The following HNRNPK variants were observed in gnomAD, a reference collection of about 807,000 sequenced individuals.
The protein encoded by HNRNPK is dC-stretch binding protein.
Under a neutral mutation model 67.0 loss-of-function variants are expected in HNRNPK, and 7 were observed. The ratio of observed to expected loss-of-function variants is 0.10; its 90% CI spans 0.06 to 0.20. The LOEUF (loss-of-function observed/expected upper bound fraction) is 0.20, where lower values mean the gene tolerates loss of function less well. Ranked by LOEUF, HNRNPK falls within the 10% of genes least tolerant of loss-of-function variation. The pLI is 1.00. For synonymous variants in HNRNPK, 213 were observed against 193.7 expected, an observed-to-expected ratio of 1.10 and a Z score of -0.83; for missense variants, 264 against 606.5, an observed-to-expected ratio of 0.44 and a Z score of 5.93.
At chr9:83,976,903 T>TA in intron 5 of HNRNPK, 92 bp downstream of exon 5, 1 of 718,420 alleles carries the variant, frequency 1.4e-6, no homozygotes, top group South Asian at 2.0e-5. Flanking sequence ...GTAGCTAAAC[T>TA]ATGAAATGAT....
In HNRNPK at chr9:83,977,070, C is replaced by G. The variant is rs761913037; in HGVS notation, c.157-19G>C. ...CAGCATTCTGGAGAAGATACAAAGA[C>G]AAAAAATTATTTTGCCTTTCCCTAA... On this transcript the variant is annotated intron_variant, in intron 4 of 16. Coordinates refer to ENST00000376263, the MANE Select transcript of HNRNPK (RefSeq NM_031263.4). 6.3e-7 allele frequency: 1 copy of G among 1,596,488 alleles called. No individual in the cohort carries two copies. The highest frequency in any genetic ancestry group is 8.6e-7 in the Non-Finnish European group (1 of 1,165,346).
In HNRNPK at chr9:83,977,136, CCT is replaced by C. The variant is rs1957103921; in HGVS notation, c.157-87_157-86del. On this transcript the variant is annotated intron_variant, in intron 4 of 16. Coordinates refer to ENST00000376263, the MANE Select transcript of HNRNPK (RefSeq NM_031263.4). Reference sequence around the variant, plus strand: ...ACGCTCTTAGATTTTGCTAAAAAATCCTCTAACCTGTTTGTTATAAGAATAAA... The same window carrying C: ...ACGCTCTTAGATTTTGCTAAAAAATCCTAACCTGTTTGTTATAAGAATAAA... 21 of 949,070 alleles carry C rather than the reference CCT, an allele frequency of 2.2e-5. No homozygotes were observed. In the South Asian group the frequency reaches 2.7e-4, roughly 12 times the overall value. 58.8% of individuals were successfully genotyped at this position (949,070 alleles called of 1,614,324 possible).
intron 3 of HNRNPK, 38 bp from the exon 4 acceptor site, chr9:83,977,824 A>C (rs1183040227): frequency 8.0e-7 from 1 of 1,244,908 alleles, no homozygotes; most frequent in Admixed American, 1.8e-5. Flanking sequence ...GAAAGCAGCG[A>C]AGTCTCCAAA....
At chr9:83,977,924 C>T (rs1957144661) in intron 3 of HNRNPK, 138 bp from the exon 4 acceptor site, 1 of 621,804 alleles carries the variant, frequency 1.6e-6, no homozygotes, top group Non-Finnish European at 2.8e-6. Flanking sequence ...GAACGTTATG[C>T]TTCCATCTAG....
Position 83,969,122 on chromosome 9 carries a change from T to A in HNRNPK, c.*285A>T. 1.0e-5 allele frequency: 5 copies of A among 496,164 alleles called. No homozygotes were observed. Among genetic ancestry groups the A allele is most frequent in the Non-Finnish European group, 1.4e-5 (4 of 280,568 alleles). The allele number at this position is 496,164 out of a possible 1,614,324, so 30.7% of individuals were successfully genotyped here. ...TTAAACCACCAACAATAACGAAAAA[T>A]AAAATCCACTCACTCTGCTGCTGTT... is the stretch of plus-strand genomic sequence containing the variant. On this transcript the variant is annotated 3_prime_UTR_variant, in exon 17 of 17. Coordinates refer to ENST00000376263, the MANE Select transcript of HNRNPK (RefSeq NM_031263.4).
At chr9:83,978,073 G>C (rs988698971) in intron 3 of HNRNPK, 122 bp downstream of exon 3, 2 of 665,352 alleles carry the variant, frequency 3.0e-6, no homozygotes, top group Non-Finnish European at 5.3e-6. Context: ...ACTGATAATC[G>C]CAGAATTACA....
rs1299710828 is a variant in HNRNPK, at chr9:83,971,722, G to A, written c.958C>T (p.Leu320Phe). Residue 320 changes from leucine to phenylalanine, a missense_variant, in exon 12 of 17, where the codon CTC (leucine) becomes TTC (phenylalanine). This residue lies in a region of HNRNPK where 142 missense variants were observed against 256.5 expected (regional missense o/e 0.55). Coordinates refer to ENST00000376263, the MANE Select transcript of HNRNPK (RefSeq NM_031263.4). ...CTCCCTCTTCTGTCATAGGCCATGA[G>A]GTCTCTGCAAGCATAGTACTTGTTG... ...PPPPPPRGGDLMAYDRRGRPG... is the reference protein window; with the variant it reads ...PPPPPPRGGDFMAYDRRGRPG... 1.2e-6 allele frequency: 2 copies of A among 1,613,642 alleles called. No individual in the cohort carries two copies. Among genetic ancestry groups the A allele is most frequent in the Admixed American group, 3.3e-5 (2 of 60,000 alleles).
In HNRNPK at chr9:83,969,295, A is replaced by T; in HGVS notation, c.*112T>A. The stretch of plus-strand genomic sequence containing the variant: ...GAAGCAGAGGAATGTTGGCTTTTTA[A>T]ACAGAAGCAGATAAAAAAAAAAAGA... On this transcript the variant is annotated 3_prime_UTR_variant, in exon 17 of 17. Coordinates refer to ENST00000376263, the MANE Select transcript of HNRNPK (RefSeq NM_031263.4). The T allele has an allele frequency of 2.6e-6, 2 of 767,000 alleles. No homozygotes were observed. Among genetic ancestry groups the T allele is most frequent in the Non-Finnish European group, 4.6e-6 (2 of 430,418 alleles). The allele number at this position is 767,000 out of a possible 1,614,324, so 47.5% of individuals were successfully genotyped here.
Position 83,969,288 on chromosome 9 carries a change from C to T in HNRNPK, c.*119G>A. The T allele has an allele frequency of 2.6e-6, 2 of 756,010 alleles. No homozygotes were observed. Among genetic ancestry groups the T allele is most frequent in the Non-Finnish European group, 4.7e-6 (2 of 421,952 alleles). 46.8% of individuals were successfully genotyped at this position (756,010 alleles called of 1,614,324 possible). On this transcript the variant is annotated 3_prime_UTR_variant, in exon 17 of 17. Coordinates refer to ENST00000376263, the MANE Select transcript of HNRNPK (RefSeq NM_031263.4). ...CACCTATGAAGCAGAGGAATGTTGG[C>T]TTTTTAAACAGAAGCAGATAAAAAA...
At chr9:83,975,134 A>C (rs1281166774) in intron 6 of HNRNPK, among the ~76,000 whole-genome samples, 1 of 152,252 alleles carries the variant, frequency 6.6e-6, no homozygotes, top group Non-Finnish European at 1.5e-5. Context: ...TCATCAGAAA[A>C]AATTATGAAC....
chr9:83,976,160 T>C (rs1564067423), intron 5 of HNRNPK, among the ~76,000 whole-genome samples: 1 of 152,198 alleles, frequency 6.6e-6, no homozygotes, highest in Admixed American at 6.5e-5. Context: ...AACAGGCAAG[T>C]TTGTAAAATT....
intron 6 of HNRNPK, among the ~76,000 whole-genome samples, chr9:83,974,796 G>A (rs2133047074): frequency 6.6e-6 from 1 of 152,312 alleles, no homozygotes; most frequent in South Asian, 2.1e-4. Context: ...TAGGAGACTT[G>A]CAGAGAGACA....
Position 83,978,497 on chromosome 9 carries a change from T to C in HNRNPK, c.-107-45A>G, listed in dbSNP as rs1957176158. The stretch of plus-strand genomic sequence containing the variant: ...TCAGTTTTGCTTTTGTTTATTCTTA[T>C]TACTGAATATTTGTTTCCGATCACA... On this transcript the variant is annotated intron_variant, in intron 1 of 16. Transcript: ENST00000376263. 4 of 549,174 alleles carry C rather than the reference T, an allele frequency of 7.3e-6. No homozygotes were observed. In the South Asian group the frequency reaches 1.9e-4, roughly 26 times the overall value. The allele number at this position is 549,174 out of a possible 1,614,324, so 34.0% of individuals were successfully genotyped here.
chr9:83,973,992 G>A lies in HNRNPK; in HGVS notation c.331-19C>T, dbSNP rs1459700523. 1.3e-6 allele frequency: 2 copies of A among 1,578,362 alleles called. No homozygotes were observed. Among genetic ancestry groups the A allele is most frequent in the East Asian group, 2.2e-5 (1 of 44,716 alleles). On this transcript the variant is annotated intron_variant, in intron 7 of 16. Transcript: ENST00000376263. ...GCAGGCCCTGAAAGTAGAAAAATAA[G>A]AGTAATAGGTTAAGTGTCTAGCGTG...
At position 83,973,354 on chromosome 9, in the gene HNRNPK, A is replaced by G. The variant is rs1956941349; in HGVS notation, c.448T>C (p.Leu150=). The G allele has an allele frequency of 6.2e-7, 1 of 1,611,336 alleles. No individual in the cohort carries two copies. The highest frequency in any genetic ancestry group is 1.3e-5 in the African/African-American group (1 of 74,852). ...GSDFDCELRL[L]IHQSLAGGII... Reference sequence around the variant, plus strand: ...CCTCCTGCTAGACTCTGATGAATCAACAGCCTCAACTCGCAGTCAAAGTCA... The same window carrying G: ...CCTCCTGCTAGACTCTGATGAATCAGCAGCCTCAACTCGCAGTCAAAGTCA... The change falls in exon 9 of 17, where the codon TTG becomes CTG. Residue 150 remains leucine, a synonymous_variant. Coordinates refer to ENST00000376263, the MANE Select transcript of HNRNPK (RefSeq NM_031263.4).
chr9:83,978,117 C>T, intron 3 of HNRNPK, 78 bp downstream of exon 3: 2 of 933,012 alleles, frequency 2.1e-6, no homozygotes, highest in South Asian at 1.3e-5. Context: ...CCACACACTC[C>T]TAAGGCAATA....
chr9:83,977,565 A>G, intron 4 of HNRNPK, 124 bp downstream of exon 4: 1 of 608,528 alleles, frequency 1.6e-6, no homozygotes, highest in Non-Finnish European at 2.8e-6. Flanking sequence ...AAGTCTGTTT[A>G]GAAAGAACCA....
At chr9:83,977,982 T>C (rs151107900) in intron 3 of HNRNPK, among the ~76,000 whole-genome samples, 196 bp from the exon 4 acceptor site, 1 of 152,294 alleles carries the variant, frequency 6.6e-6, no homozygotes, top group East Asian at 1.9e-4. Context: ...TTCAAAGGAT[T>C]TGAAATCCCA....
At chr9:83,972,791 G>C in intron 10 of HNRNPK, 53 bp downstream of exon 10, 1 of 1,424,288 alleles carries the variant, frequency 7.0e-7, no homozygotes, top group South Asian at 1.3e-5. Flanking sequence ...TTTGCAGAAG[G>C]TTATCACTTT....
Sources: gnomAD v4.1 joint callset for allele counts (sites outside exome capture counted in the v4.1 genomes callset) on GRCh38, gnomAD v4.1.1 for gene constraint, gnomAD v4.1.1 regional missense constraint, MANE v1.5 for transcripts, NCBI Gene and HGNC (gene_info 2026-07-23, HGNC 2026-07-21) for gene names.